Variants in DCUN1D2 observed in about 807,000 individuals in gnomAD.
The protein encoded by DCUN1D2 is DCN1-like protein 2.
DCUN1D2 carries 29 observed loss-of-function variants against 30.9 expected under a neutral mutation model. The observed-to-expected ratio is 0.94, with a 90% confidence interval of 0.70 to 1.28. The LOEUF is 1.28. DCUN1D2 is among the 50% of genes most tolerant of loss of function. The pLI is 0.00. For synonymous variants in DCUN1D2, 121 were observed against 115.3 expected (o/e 1.05, Z -0.32); for missense variants, 325 against 316.9 (o/e 1.03, Z -0.19).
chr13:113,459,652 C>T, intron 5 of DCUN1D2: 1 of 316,326 alleles, frequency 3.2e-6, no homozygotes, highest in Non-Finnish European at 5.8e-6. Context: ...ATTATAAACT[C>T]CTGTTTTGTC....
intron 5 of DCUN1D2, among the ~76,000 whole-genome samples, chr13:113,459,854 A>G (rs1269024190): frequency 1.3e-5 from 2 of 152,210 alleles, no homozygotes; most frequent in East Asian, 1.9e-4. Flanking sequence ...ACGTGTGTGA[A>G]TGTGCGTTCC....
chr13:113,476,583 C>A (rs1299807389), intron 3 of DCUN1D2, among the ~76,000 whole-genome samples: 1 of 152,174 alleles, frequency 6.6e-6, no homozygotes, highest in Non-Finnish European at 1.5e-5. Flanking sequence ...TTTTAAAGAA[C>A]TTTCACACAC....
chr13:113,461,487 T>C (rs1413696911), intron 4 of DCUN1D2, among the ~76,000 whole-genome samples: 3 of 152,354 alleles, frequency 2.0e-5, no homozygotes, highest in African/African-American at 2.4e-5. Flanking sequence ...TTTTTAAAAA[T>C]AGGCCACTGG....
chr13:113,463,325 C>T (rs904379131), intron 4 of DCUN1D2, among the ~76,000 whole-genome samples: 1 of 151,988 alleles, frequency 6.6e-6, no homozygotes, highest in Non-Finnish European at 1.5e-5. Flanking sequence ...AAGATGTGTC[C>T]TCTATCAAAA....
chr13:113,459,253 A>G (rs949463135), intron 6 of DCUN1D2, 59 bp downstream of exon 6: 9 of 893,244 alleles, frequency 1.0e-5, no homozygotes, highest in Non-Finnish European at 1.5e-5. Flanking sequence ...AGGCAGGAGA[A>G]GTTAACGTTC....
intron 6 of DCUN1D2, among the ~76,000 whole-genome samples, chr13:113,458,738 G>A (rs150998152): frequency 4.6e-5 from 7 of 152,314 alleles, no homozygotes; most frequent in African/African-American, 1.7e-4. Flanking sequence ...TAAAGGCACG[G>A]CGCCAGGGCC....
chr13:113,479,845 C>T (rs111350276), intron 3 of DCUN1D2, among the ~76,000 whole-genome samples: 89 of 152,280 alleles, frequency 5.8e-4, no homozygotes, highest in Admixed American at 3.3e-3. Flanking sequence ...TAACTGGATG[C>T]GCTATGCTTT....
intron 4 of DCUN1D2, chr13:113,462,969 T>G: frequency 4.5e-6 from 4 of 884,018 alleles, no homozygotes; most frequent in Non-Finnish European, 5.8e-6. Flanking sequence ...TGCTAAAAAC[T>G]TTTCTTACAA....
At position 113,458,072 on chromosome 13, in the gene DCUN1D2, T is replaced by C; in HGVS notation, c.737A>G (p.Tyr246Cys). The C allele has an allele frequency of 6.2e-7, 1 of 1,614,212 alleles. No homozygotes were observed. The highest frequency in any genetic ancestry group is 8.5e-7 in the Non-Finnish European group (1 of 1,180,030). ...TCCACCTGTGACTACTGGCCGTGCATATTCTACAAAATCATCTATAAGAAC... is the reference window on the plus strand; with the variant it reads ...TCCACCTGTGACTACTGGCCGTGCACATTCTACAAAATCATCTATAAGAAC... Reference protein sequence around the residue: ...WPVLIDDFVEYARPVVTGGKR... With the variant: ...WPVLIDDFVECARPVVTGGKR... Residue 246 changes from tyrosine (Y) to cysteine (C), a missense_variant, in exon 7 of 7, where the codon TAT becomes TGT. Transcript: ENST00000478244.
intron 4 of DCUN1D2, among the ~76,000 whole-genome samples, chr13:113,466,648 TG>T (rs1203678256): frequency 6.6e-6 from 1 of 152,184 alleles, no homozygotes; most frequent in Non-Finnish European, 1.5e-5. Flanking sequence ...TCAGTCTCCA[TG>T]GCTGGTACAG....
intron 2 of DCUN1D2, among the ~76,000 whole-genome samples, chr13:113,481,853 C>T (rs2044716323): frequency 6.8e-6 from 1 of 146,880 alleles, no homozygotes; most frequent in African/African-American, 2.6e-5. Flanking sequence ...CATTGCACTC[C>T]AGCCTGGGTG....
intron 5 of DCUN1D2, among the ~76,000 whole-genome samples, chr13:113,460,338 C>T (rs1280662694): frequency 1.3e-5 from 2 of 152,228 alleles, no homozygotes; most frequent in African/African-American, 2.4e-5. Context: ...GGAGGCAGTG[C>T]GGGTCCTGGC....
intron 1 of DCUN1D2, chr13:113,484,275 A>G (rs1350034913): frequency 7.3e-6 from 7 of 961,344 alleles, no homozygotes; most frequent in African/African-American, 3.3e-5. Context: ...TTAACATTTT[A>G]TACAAAATAC....
intron 4 of DCUN1D2, among the ~76,000 whole-genome samples, chr13:113,473,290 C>T (rs142994961): frequency 3.0e-4 from 45 of 152,254 alleles, no homozygotes; most frequent in African/African-American, 9.6e-4. Context: ...GATCACTGCA[C>T]ACCTCCCAGA....
chr13:113,487,083 T>C (rs775214449), intron 1 of DCUN1D2, among the ~76,000 whole-genome samples: 2 of 152,238 alleles, frequency 1.3e-5, no homozygotes, highest in Non-Finnish European at 2.9e-5. Context: ...TTGTATTCTC[T>C]GGTAAGATCA....
At chr13:113,459,240 T>C in intron 6 of DCUN1D2, 72 bp downstream of exon 6, 1 of 838,380 alleles carries the variant, frequency 1.2e-6, no homozygotes, top group South Asian at 1.3e-5. Context: ...GTCACCACTC[T>C]AGAGGCAGGA....
chr13:113,462,640 A>G (rs2044337232), intron 4 of DCUN1D2: 1 of 629,190 alleles, frequency 1.6e-6, no homozygotes, highest in African/African-American at 2.0e-5. Flanking sequence ...TTCATGACCA[A>G]CTTTATCAGT....
At chr13:113,472,580 C>T (rs1205233848) in intron 4 of DCUN1D2, among the ~76,000 whole-genome samples, 7 of 152,208 alleles carry the variant, frequency 4.6e-5, no homozygotes, top group African/African-American at 9.6e-5. Flanking sequence ...GGAACGCACT[C>T]GCCCCCGAGG....
rs1031094978 is a variant in DCUN1D2 at position 113,488,271 on chromosome 13, T to TG, written c.3+2395dup. Among the ~76,000 whole-genome samples the TG allele has an allele frequency of 1.3e-5, 2 of 152,170 alleles. No homozygotes were observed. The highest frequency in any genetic ancestry group is 4.8e-5 in the African/African-American group (2 of 41,444). ...CAGTAAACCCTGAACCACACGGTGG[T>TG]GCCAAGGCACTGGTTCTGAAGGAGC... On this transcript the variant is annotated intron_variant, in intron 1 of 6. Coordinates refer to ENST00000478244, the MANE Select transcript of DCUN1D2 (RefSeq NM_001014283.2). This position sits in a 1 kb window ranked among gnomAD's most constrained non-coding sequence, Gnocchi z 4.3.
Sources: allele counts gnomAD v4.1 joint callset (sites outside exome capture counted in the v4.1 genomes callset), GRCh38; gene constraint gnomAD v4.1.1; non-coding constraint Gnocchi (gnomAD v3.1); transcripts MANE v1.5; gene names NCBI Gene and HGNC (gene_info 2026-07-23, HGNC 2026-07-21).